Variants in LTBP4 observed in about 807,000 individuals in gnomAD.
The protein encoded by LTBP4 is latent-transforming growth factor beta-binding protein 4.
In LTBP4, 93 loss-of-function variants were observed where a neutral mutation model predicts 180.2. That is an observed-to-expected ratio of 0.52 (90% CI 0.44 to 0.61). The LOEUF (loss-of-function observed/expected upper bound fraction) is 0.61, where lower values mean the gene tolerates loss of function less well. Among genes scored for constraint, LTBP4 ranks in the 20% least tolerant of loss-of-function variants. LTBP4 has a pLI of 0.00. For synonymous variants in LTBP4, 947 were observed against 934.5 expected (o/e 1.01, Z -0.24); for missense variants, 2,116 against 2,256.5 (o/e 0.94, Z 1.26).
upstream of LTBP4, chr19:40,597,237 G>T: frequency 1.3e-6 from 2 of 1,498,994 alleles, no homozygotes; most frequent in Non-Finnish European, 1.8e-6. Flanking sequence ...CCGACACGAT[G>T]CCGAGGCCTG....
chr19:40,627,915 G>A lies in LTBP4; in HGVS notation c.4519+58G>A, dbSNP rs1331579192. 2.2e-5 allele frequency: 34 copies of A among 1,517,248 alleles called. No individual in the cohort carries two copies. The Admixed American group carries it at 6.4e-4, about 29-fold the overall frequency. The allele number at this position is 1,517,248 out of a possible 1,614,324, so 94.0% of individuals were successfully genotyped here. A position where few individuals can be genotyped will look rare whatever the true frequency, so the allele number is the denominator to read the frequency against. On this transcript the variant is annotated intron_variant, in intron 29 of 29. Transcript: ENST00000396819. Reference sequence around the variant, plus strand: ...GAGAGGCGAGGCTTGTCCAGGGAGGGTGGAAGCCCTGACTAGGGGGTGCTG... The same window carrying A: ...GAGAGGCGAGGCTTGTCCAGGGAGGATGGAAGCCCTGACTAGGGGGTGCTG...
At chr19:40,597,927 G>A (rs1000643091), upstream of LTBP4, among the ~76,000 whole-genome samples, 2 of 152,020 alleles carry the variant, frequency 1.3e-5, no homozygotes, top group African/African-American at 4.8e-5. Flanking sequence ...GGGGTCGGGT[G>A]GGGGAGTCCT....
In LTBP4 at chr19:40,627,342, T is replaced by G; in HGVS notation, c.4353T>G (p.Gly1451=). 6.6e-7 allele frequency: 1 copy of G among 1,509,696 alleles called. No homozygotes were observed. The highest frequency in any genetic ancestry group is 8.8e-7 in the Non-Finnish European group (1 of 1,131,282). 93.5% of individuals were successfully genotyped at this position (1,509,696 alleles called of 1,614,324 possible). A position where few individuals can be genotyped will look rare whatever the true frequency, so the allele number is the denominator to read the frequency against. Residue 1451 remains glycine (G), a synonymous_variant, in exon 28 of 30, where the codon GGT becomes GGG. Coordinates refer to ENST00000396819, the MANE Select transcript of LTBP4 (RefSeq NM_001042545.2). ...SFPEPEEPPE[G]GSYAGSLAEP... ...CAGAGCCCGAGGAGCCTCCTGAAGG[T>G]GGAAGCTATGCTGGTGAGCACTGCC...
intron 29 of LTBP4, 126 bp downstream of exon 29, chr19:40,627,983 G>T: frequency 7.8e-7 from 1 of 1,283,138 alleles, no homozygotes; most frequent in Non-Finnish European, 1.0e-6. Context: ...ACGGGCCAGC[G>T]CAAAAGGGAG....
intron 28 of LTBP4, 148 bp downstream of exon 28, chr19:40,627,503 C>G: frequency 7.7e-7 from 1 of 1,305,042 alleles, no homozygotes; most frequent in Non-Finnish European, 1.0e-6. Flanking sequence ...TGTCTATAGC[C>G]CGGCAAAGAA....
Position 40,627,190 on chromosome 19 carries a change from G to T in LTBP4, c.4201G>T (p.Ala1401Ser), listed in dbSNP as rs746401539. Reference sequence around the variant, plus strand: ...CGCCCGCCGGGAGGCTCCTTATGGGGCACCCCGCTTCGACATGCCAGACTT... The same window carrying T: ...CGCCCGCCGGGAGGCTCCTTATGGGTCACCCCGCTTCGACATGCCAGACTT... ...PFARREAPYG[A>S]PRFDMPDFED... Residue 1401 changes from alanine (A) to serine (S), a missense_variant, in exon 28 of 30, where the codon GCA (alanine) becomes TCA (serine). By Grantham distance (99) the Ala-to-Ser change is moderately conservative. Coordinates refer to ENST00000396819, the MANE Select transcript of LTBP4 (RefSeq NM_001042545.2). 1 of 1,612,272 alleles carries T rather than the reference G, an allele frequency of 6.2e-7. No individual in the cohort carries two copies. Among genetic ancestry groups the T allele is most frequent in the Non-Finnish European group, 8.5e-7 (1 of 1,179,322 alleles).
rs746458434 is a variant in LTBP4, at chr19:40,605,601, C to T, written c.639C>T (p.Tyr213=). 26 of 1,598,550 alleles carry T rather than the reference C, an allele frequency of 1.6e-5. No individual in the cohort carries two copies. The highest frequency in any genetic ancestry group is 2.7e-5 in the African/African-American group (2 of 74,730). ...AGAGCGCGCCGCGGGAGGACGGCTA[C>T]TCAGATGCCTCGGGCTTCGGTTACT... ...LAQSAPREDG[Y]SDASGFGYCF... The change falls in exon 3 of 30, where the codon TAC becomes TAT. Residue 213 remains tyrosine, a synonymous_variant. Transcript: ENST00000396819. The surrounding 1 kb of genome is among the most constrained non-coding windows in gnomAD (Gnocchi z 5.5).
At position 40,627,154 on chromosome 19, in the gene LTBP4, C is replaced by T. The variant is rs766093064; in HGVS notation, c.4165C>T (p.Pro1389Ser). Residue 1389 changes from proline to serine, a missense_variant, in exon 28 of 30, where the codon CCT becomes TCT. By Grantham distance (74) the Pro-to-Ser change is moderately conservative. Transcript: ENST00000396819. ...ACCCTACGACCCCTACCCACCGCCA[C>T]CTGGGCCCTTCGCCCGCCGGGAGGC... Reference protein sequence around the residue: ...ALPYDPYPPPPGPFARREAPY... With the variant: ...ALPYDPYPPPSGPFARREAPY... 9.9e-5 allele frequency: 159 copies of T among 1,613,186 alleles called. No individual in the cohort carries two copies. Among genetic ancestry groups the T allele is most frequent in the Non-Finnish European group, 1.3e-4 (148 of 1,179,734 alleles).
intron 28 of LTBP4, 38 bp from the exon 29 acceptor site, chr19:40,627,667 A>C: frequency 6.4e-7 from 1 of 1,559,340 alleles, no homozygotes; most frequent in Non-Finnish European, 8.7e-7. Context: ...GGGTGAAGGC[A>C]GGGACCTCAA....
At chr19:40,617,885 A>G (rs1196039224) in intron 21 of LTBP4, among the ~76,000 whole-genome samples, 1 of 152,148 alleles carries the variant, frequency 6.6e-6, no homozygotes, top group Non-Finnish European at 1.5e-5. Flanking sequence ...CATGATCTAG[A>G]TTATATTATC....
chr19:40,603,841 G>A (rs972506241), intron 1 of LTBP4, among the ~76,000 whole-genome samples: 30 of 152,214 alleles, frequency 2.0e-4, no homozygotes, highest in African/African-American at 6.5e-4. Flanking sequence ...CAAAGGTCCC[G>A]GGGCTCCCCA....
In LTBP4 at chr19:40,629,374, G is replaced by T. The variant is rs561919931; in HGVS notation, c.4520-22G>T. 1.9e-6 allele frequency: 3 copies of T among 1,612,126 alleles called. No homozygotes were observed. The highest frequency in any genetic ancestry group is 1.7e-5 in the Admixed American group (1 of 59,980). On this transcript the variant is annotated intron_variant, in intron 29 of 29. Coordinates refer to ENST00000396819, the MANE Select transcript of LTBP4 (RefSeq NM_001042545.2). The surrounding 1 kb of genome is among the most constrained non-coding windows in gnomAD (Gnocchi z 4.5). ...TTCTGGGGCCCCAGCCTTCAGCAGC[G>T]ATCGTTGTCTCCCCTCCGCAGACAT...
rs769822917 is a variant in LTBP4 at position 40,627,864 on chromosome 19, G to A, written c.4519+7G>A. The A allele has an allele frequency of 1.3e-6, 2 of 1,556,670 alleles. No homozygotes were observed. Among genetic ancestry groups the A allele is most frequent in the Non-Finnish European group, 1.7e-6 (2 of 1,157,436 alleles). On this transcript the variant is annotated splice_region_variant and intron_variant, in intron 29 of 29. Coordinates refer to ENST00000396819, the MANE Select transcript of LTBP4 (RefSeq NM_001042545.2). ...ACCCGCATGGCCTGCGTTGGTGAGG[G>A]CGGGCCCGGGGCCAGCATGCGCAGG... is the stretch of plus-strand genomic sequence containing the variant.
At chr19:40,604,531 G>A (rs981129006) in intron 1 of LTBP4, among the ~76,000 whole-genome samples, 2 of 152,120 alleles carry the variant, frequency 1.3e-5, no homozygotes, top group African/African-American at 4.8e-5. Flanking sequence ...ATTGGGATCC[G>A]AGAGGTTGAC....
At position 40,593,658 on chromosome 19, in the gene LTBP4, A is replaced by G. The variant is rs937067551; in HGVS notation, c.16+477A>G. ...CCTGGAAGGTCAGGAAATCTAGAAT[A>G]TGGTGGTGTTTTGTAATGCTCACAG... On this transcript the variant is annotated intron_variant, in intron 1 of 32. Transcript: ENST00000204005. Among the ~76,000 whole-genome samples, 3 of 151,154 alleles carry G rather than the reference A, an allele frequency of 2.0e-5. No homozygotes were observed. The East Asian group carries it at 5.8e-4, about 29-fold the overall frequency.
chr19:40,611,185 G>C lies in LTBP4; in HGVS notation c.1844G>C (p.Cys615Ser). 1 of 1,614,006 alleles carries C rather than the reference G, an allele frequency of 6.2e-7. No homozygotes were observed. The highest frequency in any genetic ancestry group is 8.5e-7 in the Non-Finnish European group (1 of 1,179,888). The change falls in exon 13 of 30, where the codon TGT becomes TCT. Residue 615 changes from cysteine (C) to serine (S), a missense_variant. Transcript: ENST00000396819. This position sits in a 1 kb window ranked among gnomAD's most constrained non-coding sequence, Gnocchi z 4.4. ...VDECTQSPGL[C>S]GRGACKNLPG... ...GAATGCACCCAGAGCCCAGGCCTGT[G>C]TGGCCGAGGGGCCTGCAAGAACCTG...
intron 24 of LTBP4, 58 bp from the exon 25 acceptor site, chr19:40,623,546 C>A: frequency 1.3e-6 from 2 of 1,570,354 alleles, no homozygotes; most frequent in Non-Finnish European, 1.7e-6. Context: ...CCACGTCATG[C>A]CCTCACACAC....
Position 40,622,374 on chromosome 19 carries a change from C to G in LTBP4, c.3218-27C>G, listed in dbSNP as rs1247107826. 1 of 1,475,282 alleles carries G rather than the reference C, an allele frequency of 6.8e-7. No individual in the cohort carries two copies. The highest frequency in any genetic ancestry group is 1.4e-5 in the African/African-American group (1 of 71,558). The allele number at this position is 1,475,282 out of a possible 1,614,324, so 91.4% of individuals were successfully genotyped here. A position where few individuals can be genotyped will look rare whatever the true frequency, so the allele number is the denominator to read the frequency against. On this transcript the variant is annotated intron_variant, in intron 22 of 29. Coordinates refer to ENST00000396819, the MANE Select transcript of LTBP4 (RefSeq NM_001042545.2). This position sits in a 1 kb window ranked among gnomAD's most constrained non-coding sequence, Gnocchi z 5.1. ...GGCGGGGCTGGGGATTCAGCCCACACTGGGCTAAAGCTCCTTGTCTCCCCA... is the reference window on the plus strand; with the variant it reads ...GGCGGGGCTGGGGATTCAGCCCACAGTGGGCTAAAGCTCCTTGTCTCCCCA...
At chr19:40,619,553 C>T in intron 22 of LTBP4, 60 bp downstream of exon 22, 1 of 1,522,136 alleles carries the variant, frequency 6.6e-7, no homozygotes, top group African/African-American at 1.4e-5. Flanking sequence ...ATCACGTGGT[C>T]TAATCATTCC....
Sources: allele counts gnomAD v4.1 joint callset (sites outside exome capture counted in the v4.1 genomes callset), GRCh38; gene constraint gnomAD v4.1.1; non-coding constraint Gnocchi (gnomAD v3.1); transcripts MANE v1.5; gene names NCBI Gene and HGNC (gene_info 2026-07-23, HGNC 2026-07-21).